Variants in FARS2 observed in about 807,000 individuals in gnomAD.
FARS2 encodes phenylalanyl-tRNA synthetase 2, mitochondrial, also known as phenylalanine--tRNA ligase, mitochondrial.
In FARS2, 40 loss-of-function variants were observed where a neutral mutation model predicts 46.4. That is an observed-to-expected ratio of 0.86 (90% CI 0.67 to 1.12). The LOEUF (loss-of-function observed/expected upper bound fraction) is 1.12. Among genes scored for constraint, FARS2 ranks in the 50% most tolerant of loss-of-function variants. FARS2 has a pLI of 0.00. For synonymous variants in FARS2, 234 were observed against 214.9 expected (o/e 1.09, Z -0.78); for missense variants, 513 against 567.9 (o/e 0.90, Z 0.98).
intron 4 of FARS2, among the ~76,000 whole-genome samples, chr6:5,438,173 T>A (rs894025083): frequency 4.6e-5 from 7 of 151,454 alleles, no homozygotes; most frequent in African/African-American, 9.7e-5. Context: ...TTCCTTTTTT[T>A]TTAAAAAAAT....
At chr6:5,449,253 G>T (rs2150259807) in intron 4 of FARS2, among the ~76,000 whole-genome samples, 1 of 150,556 alleles carries the variant, frequency 6.6e-6, no homozygotes, top group South Asian at 2.1e-4. Flanking sequence ...GGAGGCTGAG[G>T]CAGGAGAATC....
chr6:5,256,900 T>C (rs968947164), upstream of FARS2, among the ~76,000 whole-genome samples: 6 of 152,202 alleles, frequency 3.9e-5, no homozygotes, highest in Non-Finnish European at 7.3e-5. Flanking sequence ...CATTCTAGAC[T>C]CTGCTTGGAT....
At chr6:5,360,359 A>G (rs1055184355) in intron 1 of FARS2, among the ~76,000 whole-genome samples, 8 of 152,204 alleles carry the variant, frequency 5.3e-5, no homozygotes, top group African/African-American at 1.9e-4. Flanking sequence ...ACCATCTTAT[A>G]GAAACAATCA....
chr6:5,525,208 A>AG (rs1182042340), intron 4 of FARS2, among the ~76,000 whole-genome samples: 1 of 134,370 alleles, frequency 7.4e-6, no homozygotes, highest in Non-Finnish European at 1.7e-5. Flanking sequence ...CCATAAAAAA[A>AG]CTGTTATTTT....
intron 1 of FARS2, among the ~76,000 whole-genome samples, chr6:5,304,625 A>C (rs1351726305): frequency 6.6e-6 from 1 of 152,114 alleles, no homozygotes; most frequent in Non-Finnish European, 1.5e-5. Flanking sequence ...GTACATGAGA[A>C]GCTGTGTTTA....
At chr6:5,463,894 G>A (rs1765377407) in intron 4 of FARS2, among the ~76,000 whole-genome samples, 1 of 152,142 alleles carries the variant, frequency 6.6e-6, no homozygotes, top group African/African-American at 2.4e-5. Flanking sequence ...AGCCAGCTGG[G>A]AAAGGCCTTG....
intron 5 of FARS2, among the ~76,000 whole-genome samples, chr6:5,575,130 A>G: frequency 6.6e-6 from 1 of 152,230 alleles, no homozygotes; most frequent in South Asian, 2.1e-4. Flanking sequence ...TAAGGACACC[A>G]GAGAGTACTT....
chr6:5,342,775 G>T (rs1022089054), intron 1 of FARS2, among the ~76,000 whole-genome samples: 4 of 150,564 alleles, frequency 2.7e-5, no homozygotes, highest in African/African-American at 4.9e-5. Flanking sequence ...AAAAGAAAAA[G>T]AATATAAGCT....
chr6:5,356,809 A>G (rs189383904), intron 1 of FARS2, among the ~76,000 whole-genome samples: 2 of 152,348 alleles, frequency 1.3e-5, no homozygotes, highest in East Asian at 1.9e-4. Flanking sequence ...TTTATAGACT[A>G]TACTGCAGAT....
intron 6 of FARS2, among the ~76,000 whole-genome samples, chr6:5,615,768 G>A (rs1463583854): frequency 6.6e-6 from 1 of 152,086 alleles, no homozygotes; most frequent in African/African-American, 2.4e-5. Flanking sequence ...GGTTGGCATA[G>A]CAGGCAGGGG....
chr6:5,698,945 C>T (rs965508552), intron 6 of FARS2, among the ~76,000 whole-genome samples: 7 of 152,174 alleles, frequency 4.6e-5, no homozygotes, highest in African/African-American at 1.2e-4. Flanking sequence ...ACACCACCTG[C>T]GTGTCCTGCC....
chr6:5,517,064 A>T (rs1768844935), intron 4 of FARS2, among the ~76,000 whole-genome samples: 1 of 152,154 alleles, frequency 6.6e-6, no homozygotes. Context: ...ATGGAATATG[A>T]GCATGGAAGG....
At chr6:5,454,245 G>A (rs1764689639) in intron 4 of FARS2, among the ~76,000 whole-genome samples, 1 of 146,652 alleles carries the variant, frequency 6.8e-6, no homozygotes, top group Non-Finnish European at 1.5e-5. Flanking sequence ...TGTCACTTGT[G>A]AATGCTGTCA....
chr6:5,496,720 T>C (rs1242163102), intron 4 of FARS2, among the ~76,000 whole-genome samples: 1 of 152,206 alleles, frequency 6.6e-6, no homozygotes, highest in Non-Finnish European at 1.5e-5. Context: ...TTAGGGCCCA[T>C]CTTATGACCT....
intron 1 of FARS2, among the ~76,000 whole-genome samples, chr6:5,281,084 TG>T (rs1766692362): frequency 6.6e-6 from 1 of 152,242 alleles, no homozygotes; most frequent in Admixed American, 6.5e-5. Flanking sequence ...CAATTTCCTT[TG>T]TAGGGCTAAC....
intron 1 of FARS2, among the ~76,000 whole-genome samples, chr6:5,296,300 C>A (rs1351052656): frequency 6.6e-6 from 1 of 151,772 alleles, no homozygotes; most frequent in Non-Finnish European, 1.5e-5. Context: ...CATCACCACG[C>A]CCAGCTAATT....
intron 6 of FARS2, among the ~76,000 whole-genome samples, chr6:5,762,799 A>G (rs941108403): frequency 6.6e-5 from 10 of 152,014 alleles, no homozygotes; most frequent in South Asian, 2.1e-4. Context: ...GTTTCTTGTG[A>G]CTGACTCTGA....
intron 6 of FARS2, among the ~76,000 whole-genome samples, chr6:5,644,028 C>T (rs1420603308): frequency 1.3e-5 from 2 of 152,106 alleles, no homozygotes; most frequent in Admixed American, 6.5e-5. Context: ...GTAATGAACA[C>T]TCTTGCCCAC....
intron 2 of FARS2, among the ~76,000 whole-genome samples, chr6:5,400,491 G>A (rs1761191300): frequency 6.6e-6 from 1 of 151,744 alleles, no homozygotes; most frequent in Non-Finnish European, 1.5e-5. Flanking sequence ...AGAGAGTATA[G>A]TTTATTATTT....
Sources: gnomAD v4.1 joint callset for allele counts (sites outside exome capture counted in the v4.1 genomes callset) on GRCh38, gnomAD v4.1.1 for gene constraint, MANE v1.5 for transcripts, NCBI Gene and HGNC (gene_info 2026-07-23, HGNC 2026-07-21) for gene names.